Variants in AGMO observed in about 807,000 individuals in gnomAD.
The protein encoded by AGMO is alkylglycerol monooxygenase, also known as glyceryl-ether monooxygenase.
A neutral mutation model predicts 60.2 loss-of-function variants in AGMO; 75 were observed. The observed-to-expected ratio is 1.25, with a 90% CI of 1.03 to 1.51. AGMO has a LOEUF of 1.51. Among genes scored for constraint, AGMO ranks in the 40% most tolerant of loss-of-function variants. The pLI, the probability that AGMO is intolerant of heterozygous loss-of-function variation, is 0.00. For missense variants in AGMO, 763 were observed against 525.5 expected (o/e 1.45, Z -4.42); for synonymous variants, 261 against 177.1 (o/e 1.47, Z -3.76).
intron 12 of AGMO, among the ~76,000 whole-genome samples, chr7:15,290,612 T>C (rs373618921): frequency 1.3e-5 from 2 of 152,152 alleles, no homozygotes; most frequent in African/African-American, 2.4e-5. Context: ...TGTGGTCACA[T>C]AGAGGAATGG....
At chr7:15,193,252 T>G in the AGMO span, among the ~76,000 whole-genome samples, 1 of 152,186 alleles carries the variant, frequency 6.6e-6, no homozygotes, top group African/African-American at 2.4e-5. Context: ...TATTTTCTAA[T>G]TTTTCTCTTA....
chr7:15,548,228 G>A (rs1336938567), intron 2 of AGMO, among the ~76,000 whole-genome samples: 1 of 152,114 alleles, frequency 6.6e-6, no homozygotes, highest in Non-Finnish European at 1.5e-5. Context: ...AAACAGAACA[G>A]AAAAACTGGA....
At chr7:15,291,904 G>A (rs548210339) in intron 12 of AGMO, among the ~76,000 whole-genome samples, 1 of 152,284 alleles carries the variant, frequency 6.6e-6, no homozygotes, top group East Asian at 1.9e-4. Context: ...TACAGTAGGG[G>A]GAGCTCAGGA....
At chr7:15,544,322 C>G (rs910728971) in intron 3 of AGMO, among the ~76,000 whole-genome samples, 1 of 152,022 alleles carries the variant, frequency 6.6e-6, no homozygotes, top group Non-Finnish European at 1.5e-5. Context: ...AACTGAAGAA[C>G]TTATTCATGT....
chr7:15,494,647 C>T (rs982709137), intron 3 of AGMO, among the ~76,000 whole-genome samples: 3 of 152,282 alleles, frequency 2.0e-5, no homozygotes, highest in Admixed American at 1.3e-4. Flanking sequence ...TTGCCTTTTT[C>T]CTCGTCCATT....
intron 4 of AGMO, among the ~76,000 whole-genome samples, chr7:15,426,035 T>C (rs1781053113): frequency 6.6e-6 from 1 of 152,340 alleles, no homozygotes; most frequent in East Asian, 1.9e-4. Context: ...AAAACAAATA[T>C]GTTCAAATAT....
chr7:15,338,713 A>G (rs922340427), intron 12 of AGMO, among the ~76,000 whole-genome samples: 1 of 152,138 alleles, frequency 6.6e-6, no homozygotes, highest in Non-Finnish European at 1.5e-5. Flanking sequence ...TACTCCCAAA[A>G]TTGTCATTCC....
rs576306864 is a variant in AGMO, at chr7:15,284,025, G to A, written c.1263+81489C>T. On this transcript the variant is annotated intron_variant, in intron 12 of 12. Transcript: ENST00000342526. ...CAAGATGGAATTTAAAAAGTTATTT[G>A]AAATGAATGATAATAGTGATGTAAT... Among the ~76,000 whole-genome samples, 7 of 152,084 alleles carry A rather than the reference G, an allele frequency of 4.6e-5. No homozygotes were observed. The South Asian group carries it at 1.5e-3, about 32-fold the overall frequency.
downstream of AGMO, among the ~76,000 whole-genome samples, chr7:15,199,530 T>G (rs1220438649): frequency 6.6e-6 from 1 of 152,190 alleles, no homozygotes; most frequent in African/African-American, 2.4e-5. Flanking sequence ...ACTAAACAAC[T>G]ATGTAAAGAT....
chr7:15,362,894 C>A (rs181154046), intron 12 of AGMO, among the ~76,000 whole-genome samples: 9 of 152,112 alleles, frequency 5.9e-5, no homozygotes, highest in Non-Finnish European at 1.3e-4. Context: ...ATTACATGGA[C>A]GAAAATGTAC....
chr7:15,280,328 C>T (rs1783926276), intron 12 of AGMO, among the ~76,000 whole-genome samples: 2 of 152,140 alleles, frequency 1.3e-5, no homozygotes, highest in South Asian at 2.1e-4. Context: ...TGCCTGCTTA[C>T]TCCCCACTCC....
At chr7:15,355,365 T>G (rs1468878712) in intron 12 of AGMO, among the ~76,000 whole-genome samples, 1 of 151,616 alleles carries the variant, frequency 6.6e-6, no homozygotes, top group Non-Finnish European at 1.5e-5. Flanking sequence ...TAGCCAAGCA[T>G]GGTGGCGGAT....
the AGMO span, among the ~76,000 whole-genome samples, chr7:15,152,231 T>C: frequency 6.6e-6 from 1 of 152,200 alleles, no homozygotes; most frequent in Non-Finnish European, 1.5e-5. Flanking sequence ...GTTTTGTTTT[T>C]GTTTTCTTTT....
chr7:15,420,713 T>G (rs1301676670), intron 4 of AGMO, among the ~76,000 whole-genome samples: 1 of 152,152 alleles, frequency 6.6e-6, no homozygotes, highest in East Asian at 1.9e-4. Flanking sequence ...ATTATAAATC[T>G]TTATATGGTA....
At chr7:15,160,935 G>T in the AGMO span, among the ~76,000 whole-genome samples, 1 of 152,154 alleles carries the variant, frequency 6.6e-6, no homozygotes, top group Admixed American at 6.6e-5. Context: ...GCAAGCAACT[G>T]ACAAGGGGCT....
At chr7:15,395,413 CTAACA>C (rs1334214736) in intron 5 of AGMO, among the ~76,000 whole-genome samples, 6 of 152,062 alleles carry the variant, frequency 3.9e-5, no homozygotes, top group Middle Eastern at 3.4e-3. Context: ...TTGAACAAAC[CTAACA>C]TAAAAGACAT....
chr7:15,393,128 T>C (rs1304287675), intron 6 of AGMO, among the ~76,000 whole-genome samples: 1 of 152,214 alleles, frequency 6.6e-6, no homozygotes, highest in East Asian at 1.9e-4. Flanking sequence ...CTGTCCTCCC[T>C]GGAATTGGAG....
At chr7:15,294,383 TAAAC>T (rs906508006) in intron 12 of AGMO, among the ~76,000 whole-genome samples, 1 of 151,748 alleles carries the variant, frequency 6.6e-6, no homozygotes, top group Non-Finnish European at 1.5e-5. Context: ...AAATGAGAAA[TAAAC>T]ACAGAAAAGC....
intron 12 of AGMO, among the ~76,000 whole-genome samples, chr7:15,202,192 C>T (rs1203998804): frequency 2.0e-5 from 3 of 151,908 alleles, no homozygotes; most frequent in Admixed American, 2.0e-4. Flanking sequence ...GTATACTTCC[C>T]CTCCATACTA....
Sources: allele counts gnomAD v4.1 joint callset (sites outside exome capture counted in the v4.1 genomes callset), GRCh38; gene constraint gnomAD v4.1.1; transcripts MANE v1.5; gene names NCBI Gene and HGNC (gene_info 2026-07-23, HGNC 2026-07-21).